Variants in EYA3 observed in about 807,000 individuals in gnomAD.
EYA3 encodes the protein protein phosphatase EYA3.
In EYA3, 39 loss-of-function variants were observed where a neutral mutation model predicts 80.0. The ratio of observed to expected loss-of-function variants is 0.49; its 90% CI spans 0.38 to 0.64. The LOEUF is 0.64. Among genes scored for constraint, EYA3 ranks in the 30% least tolerant of loss-of-function variants. The pLI, the probability that EYA3 is intolerant of heterozygous loss-of-function variation, is 0.00. For missense variants in EYA3, 523 were observed against 676.1 expected, an observed-to-expected ratio of 0.77 and a Z score of 2.51; for synonymous variants, 206 against 232.8, an observed-to-expected ratio of 0.88 and a Z score of 1.05.
chr1:28,008,866 C>T (rs1365343661), intron 10 of EYA3, among the ~76,000 whole-genome samples: 1 of 152,152 alleles, frequency 6.6e-6, no homozygotes, highest in Non-Finnish European at 1.5e-5. Context: ...ATTGCTTGAA[C>T]CTGGGAGGCA....
intron 11 of EYA3, among the ~76,000 whole-genome samples, chr1:28,003,048 A>C (rs1397259942): frequency 1.3e-5 from 2 of 150,370 alleles, no homozygotes; most frequent in African/African-American, 4.9e-5. Flanking sequence ...CGAGGTCAGG[A>C]GATCAAGACC....
At chr1:28,000,668 C>A (rs1043716345) in intron 11 of EYA3, among the ~76,000 whole-genome samples, 5 of 152,098 alleles carry the variant, frequency 3.3e-5, no homozygotes, top group African/African-American at 1.2e-4. Context: ...CTAGCTCACA[C>A]CTGTCATCTC....
chr1:28,042,060 A>T (rs1223421016), intron 4 of EYA3, among the ~76,000 whole-genome samples: 1 of 152,182 alleles, frequency 6.6e-6, no homozygotes, highest in Non-Finnish European at 1.5e-5. Flanking sequence ...CCCTATCCAC[A>T]TCAGATCTAC....
chr1:28,086,980 T>C (rs190756541), intron 1 of EYA3, among the ~76,000 whole-genome samples: 1 of 152,342 alleles, frequency 6.6e-6, no homozygotes, highest in Admixed American at 6.5e-5. Context: ...CTTATATGTA[T>C]ATGTATCATA....
intron 10 of EYA3, among the ~76,000 whole-genome samples, chr1:28,008,572 T>C (rs1641466174): frequency 6.6e-6 from 1 of 151,858 alleles, no homozygotes; most frequent in African/African-American, 2.4e-5. Flanking sequence ...ATATAAGGGA[T>C]TAATAATCTA....
chr1:27,997,180 T>C (rs544514296), intron 13 of EYA3, 140 bp downstream of exon 13: 15 of 742,836 alleles, frequency 2.0e-5, no homozygotes, highest in Non-Finnish European at 3.0e-5. Context: ...CGGTTAACTA[T>C]GTTTGTTTCT....
intron 1 of EYA3, among the ~76,000 whole-genome samples, chr1:28,073,127 A>ATATATATATATATATATT (rs1553157671): frequency 1.3e-4 from 2 of 14,998 alleles, no homozygotes; most frequent in African/African-American, 3.2e-4. Flanking sequence ...ATATATATAT[A>ATATATATATATATATATT]TTTTTTTTTT....
chr1:27,981,777 A>AG (rs983704152), intron 16 of EYA3, among the ~76,000 whole-genome samples: 1 of 151,714 alleles, frequency 6.6e-6, no homozygotes, highest in African/African-American at 2.4e-5. Flanking sequence ...AAAAAAAAAA[A>AG]AAGAAAAAAA....
At chr1:27,976,451 C>T (rs1366959395) in intron 17 of EYA3, among the ~76,000 whole-genome samples, 1 of 151,678 alleles carries the variant, frequency 6.6e-6, no homozygotes, top group East Asian at 2.0e-4. Context: ...TGGAGTGAGA[C>T]TCCATCTCAA....
intron 15 of EYA3, 146 bp from the exon 16 acceptor site, chr1:27,988,802 T>C (rs1639837095): frequency 1.2e-6 from 1 of 810,162 alleles, no homozygotes; most frequent in African/African-American, 1.8e-5. Context: ...AATGTTCAGC[T>C]ACTACTCATT....
intron 17 of EYA3, among the ~76,000 whole-genome samples, chr1:27,976,067 G>A (rs1248623698): frequency 1.3e-5 from 2 of 152,124 alleles, no homozygotes; most frequent in Non-Finnish European, 2.9e-5. Context: ...CAGTTATTTT[G>A]GCATATACCC....
At chr1:28,015,079 C>T (rs907960999) in intron 8 of EYA3, among the ~76,000 whole-genome samples, 2 of 152,140 alleles carry the variant, frequency 1.3e-5, no homozygotes, top group Non-Finnish European at 2.9e-5. Flanking sequence ...GTCACACTAG[C>T]AGAACTCAAG....
chr1:28,041,008 A>AT (rs1163497159), intron 4 of EYA3, among the ~76,000 whole-genome samples: 3 of 152,360 alleles, frequency 2.0e-5, no homozygotes, highest in Non-Finnish European at 2.9e-5. Flanking sequence ...AACAGATAGC[A>AT]TATGAAACAC....
intron 2 of EYA3, among the ~76,000 whole-genome samples, chr1:28,052,725 C>T (rs544814089): frequency 4.6e-5 from 7 of 152,022 alleles, no homozygotes; most frequent in South Asian, 2.1e-4. Flanking sequence ...AGGTGGATCA[C>T]GAGGTCAGGA....
At chr1:28,078,544 T>TCTC (rs113810357) in intron 1 of EYA3, among the ~76,000 whole-genome samples, 3,756 of 151,846 alleles carry the variant, frequency 0.025, 92 homozygotes, top group African/African-American at 0.063. Flanking sequence ...ACTATTTCTT[T>TCTC]TTCTTCTTCT....
intron 2 of EYA3, among the ~76,000 whole-genome samples, chr1:28,055,187 C>G (rs1170504362): frequency 6.6e-6 from 1 of 152,162 alleles, no homozygotes; most frequent in African/African-American, 2.4e-5. Flanking sequence ...GATGTTACTT[C>G]TTCAGGGACT....
rs28887231 is a variant in EYA3, at chr1:27,986,860, G to A, written c.1540+1675C>T. On this transcript the variant is annotated intron_variant, in intron 16 of 17. Coordinates refer to ENST00000373871, the MANE Select transcript of EYA3 (RefSeq NM_001990.4). ...TAGGACTGCAGGCGAGTGCCACCAC[G>A]CCCAGCTAATTTTTTGTATTTTTAG... Among the ~76,000 whole-genome samples, 280 of 152,098 alleles carry A rather than the reference G, an allele frequency of 1.8e-3. 1 individual carries two copies. Among genetic ancestry groups the A allele is most frequent in the African/African-American group, 6.5e-3 (270 of 41,488 alleles).
intron 16 of EYA3, among the ~76,000 whole-genome samples, chr1:27,982,067 C>T (rs113890230): frequency 0.022 from 3,187 of 147,490 alleles, 91 homozygotes; most frequent in African/African-American, 0.067. Flanking sequence ...AGTGCAGTGG[C>T]GTGATCTTGG....
intron 10 of EYA3, among the ~76,000 whole-genome samples, chr1:28,005,315 G>C (rs977313178): frequency 3.3e-5 from 5 of 152,112 alleles, no homozygotes; most frequent in African/African-American, 1.2e-4. Context: ...GAAGAGGAGG[G>C]AATACTTCCT....
Sources: gnomAD v4.1 joint callset for allele counts (sites outside exome capture counted in the v4.1 genomes callset) on GRCh38, gnomAD v4.1.1 for gene constraint, MANE v1.5 for transcripts, NCBI Gene and HGNC (gene_info 2026-07-23, HGNC 2026-07-21) for gene names.